CDH3: variants seen among roughly 807,000 people sequenced by gnomAD.
CDH3 encodes the protein cadherin-3.
CDH3 carries 54 observed loss-of-function variants against 82.0 expected under a neutral mutation model. The ratio of observed to expected loss-of-function variants is 0.66; its 90% CI spans 0.53 to 0.83. The LOEUF is 0.83. Ranked by LOEUF, CDH3 falls within the 40% of genes least tolerant of loss-of-function variation. The pLI, the probability that CDH3 is intolerant of heterozygous loss-of-function variation, is 0.00. For missense variants in CDH3, 1,054 were observed against 1,084.6 expected (o/e 0.97, Z 0.40); for synonymous variants, 446 against 437.9 (o/e 1.02, Z -0.23).
intron 2 of CDH3, among the ~76,000 whole-genome samples, chr16:68,672,373 T>C (rs1457304683): frequency 6.6e-6 from 1 of 152,200 alleles, no homozygotes; most frequent in East Asian, 1.9e-4. Context: ...ATATAAAGTG[T>C]TATATTGCAT....
chr16:68,691,375 A>C (rs761763099), intron 12 of CDH3, among the ~76,000 whole-genome samples: 87 of 152,312 alleles, frequency 5.7e-4, no homozygotes, highest in Non-Finnish European at 1.1e-3. Context: ...TAGGAAGAAT[A>C]TTCTTTTTGA....
chr16:68,709,190 C>T (rs1471968299), intron 1 of CDH3, among the ~76,000 whole-genome samples: 1 of 152,160 alleles, frequency 6.6e-6, no homozygotes, highest in Non-Finnish European at 1.5e-5. Context: ...ATCCTCCCAC[C>T]TCAGCCTGCT....
In CDH3 at chr16:68,691,707, C is replaced by G. The variant is rs764736869; in HGVS notation, c.1796-13C>G. 2 of 1,606,412 alleles carry G rather than the reference C, an allele frequency of 1.2e-6. No homozygotes were observed. Among genetic ancestry groups the G allele is most frequent in the Non-Finnish European group, 1.7e-6 (2 of 1,173,072 alleles). On this transcript the variant is annotated splice_polypyrimidine_tract_variant and intron_variant, in intron 12 of 15. Transcript: ENST00000264012. ...ATGGTTCCCACAGCTAATCAATGAT[C>G]TGTTCACTCCAGGTGACACAGTGGT...
intron 2 of CDH3, among the ~76,000 whole-genome samples, chr16:68,657,844 C>G (rs965701053): frequency 6.6e-6 from 1 of 152,100 alleles, no homozygotes; most frequent in African/African-American, 2.4e-5. Flanking sequence ...TGGAAGTTAC[C>G]TATTAGCAAG....
chr16:68,680,855 G>A, intron 7 of CDH3, 113 bp from the exon 8 acceptor site: 1 of 1,174,876 alleles, frequency 8.5e-7, no homozygotes, highest in Non-Finnish European at 1.3e-6. Context: ...CGTTATGATA[G>A]GGAGAGATCC....
chr16:68,661,523 C>A (rs1390368730), intron 2 of CDH3, among the ~76,000 whole-genome samples: 2 of 152,184 alleles, frequency 1.3e-5, no homozygotes, highest in Non-Finnish European at 2.9e-5. Context: ...ATACATATTT[C>A]TTTAGACTAG....
At chr16:68,706,638 C>T (rs764007368) in intron 1 of CDH3, among the ~76,000 whole-genome samples, 6 of 149,394 alleles carry the variant, frequency 4.0e-5, no homozygotes, top group Admixed American at 3.4e-4. Context: ...CAGCAATCTC[C>T]GCCTCCCAGG....
chr16:68,670,223 CAAAAAA>C (rs71148932), intron 2 of CDH3, among the ~76,000 whole-genome samples: 1 of 91,010 alleles, frequency 1.1e-5, no homozygotes. Flanking sequence ...GACTCTGTCT[CAAAAAA>C]AAAAAAAAAA....
chr16:68,706,463 A>C (rs1005156710), intron 1 of CDH3, among the ~76,000 whole-genome samples: 3 of 147,400 alleles, frequency 2.0e-5, no homozygotes, highest in Non-Finnish European at 3.0e-5. Context: ...TGGAGTACAC[A>C]CCTGGGCTGT....
At chr16:68,686,306 C>A in intron 11 of CDH3, 1 of 782,038 alleles carries the variant, frequency 1.3e-6, no homozygotes, top group Non-Finnish European at 2.2e-6. Context: ...TCACGTGTCG[C>A]CAGGGTCAGA....
intron 2 of CDH3, among the ~76,000 whole-genome samples, chr16:68,658,058 C>G (rs77075798): frequency 7.2e-6 from 1 of 138,952 alleles, no homozygotes; most frequent in Non-Finnish European, 1.6e-5. Context: ...CAGTCTTTTT[C>G]TTTCTTTTTT....
Position 68,676,481 on chromosome 16 carries a change from A to G in CDH3, c.246+11A>G, listed in dbSNP as rs766015706. The G allele has an allele frequency of 1.9e-6, 3 of 1,592,724 alleles. No individual in the cohort carries two copies. In the South Asian group the frequency reaches 3.3e-5, roughly 18 times the overall value. ...GGCGAGACAGTCCAGGTAAAATACC[A>G]TGTCCACCTGCAGGACAAAAGAAAG... On this transcript the variant is annotated intron_variant, in intron 3 of 15. Transcript: ENST00000264012.
At chr16:68,680,080 C>G in intron 7 of CDH3, 106 bp downstream of exon 7, 1 of 1,091,776 alleles carries the variant, frequency 9.2e-7, no homozygotes, top group Non-Finnish European at 1.4e-6. Context: ...CAAGGCAGAA[C>G]AGTGAGGACC....
At chr16:68,657,897 T>A (rs956583452) in intron 2 of CDH3, among the ~76,000 whole-genome samples, 51 of 152,066 alleles carry the variant, frequency 3.4e-4, no homozygotes, top group African/African-American at 1.1e-3. Context: ...GAGTAGAAGG[T>A]ATTTTTGCTT....
At chr16:68,656,593 C>T (rs1960415841) in intron 2 of CDH3, among the ~76,000 whole-genome samples, 1 of 152,212 alleles carries the variant, frequency 6.6e-6, no homozygotes, top group Non-Finnish European at 1.5e-5. Flanking sequence ...CGGCTTGTCA[C>T]TTTGTAACTA....
chr16:68,673,755 T>G (rs1197291952), intron 2 of CDH3, among the ~76,000 whole-genome samples: 1 of 151,920 alleles, frequency 6.6e-6, no homozygotes, highest in Non-Finnish European at 1.5e-5. Flanking sequence ...TGAAACCCCA[T>G]CTCTACTAAA....
intron 1 of CDH3, among the ~76,000 whole-genome samples, chr16:68,720,417 G>A (rs566563021): frequency 9.6e-4 from 146 of 152,226 alleles, no homozygotes; most frequent in Non-Finnish European, 1.8e-3. Context: ...TCTGGGACTT[G>A]CTGGTGACCT....
rs1384136810 is a variant in CDH3 at position 68,645,652 on chromosome 16, G to A, written c.62G>A (p.Cys21Tyr). The A allele has an allele frequency of 1.9e-6, 3 of 1,542,684 alleles. No individual in the cohort carries two copies. The highest frequency in any genetic ancestry group is 1.2e-5 in the South Asian group (1 of 83,976). Residue 21 changes from cysteine (C) to tyrosine (Y), a missense_variant, in exon 2 of 16, where the codon TGC becomes TAC. Cys to Tyr is a radical substitution (Grantham distance 194). Transcript: ENST00000264012. The stretch of plus-strand genomic sequence containing the variant: ...CGGGCGCAGGTTTGCTGGCTGCAGT[G>A]CGCGGCCTCCGAGCCGTGCCGGGCG... ...LLLLQVCWLQCAASEPCRAVF... is the reference protein window; with the variant it reads ...LLLLQVCWLQYAASEPCRAVF...
At chr16:68,677,085 G>C (rs996737786) in intron 3 of CDH3, among the ~76,000 whole-genome samples, 2 of 151,660 alleles carry the variant, frequency 1.3e-5, no homozygotes, top group African/African-American at 4.9e-5. Context: ...TATTTATATT[G>C]TACATGTTTT....
Sources: allele counts gnomAD v4.1 joint callset (sites outside exome capture counted in the v4.1 genomes callset), GRCh38; gene constraint gnomAD v4.1.1; transcripts MANE v1.5; gene names NCBI Gene and HGNC (gene_info 2026-07-23, HGNC 2026-07-21).